Variants in ITPKB observed in about 807,000 individuals in gnomAD.
ITPKB encodes the protein IP3 3-kinase B.
A neutral mutation model predicts 69.4 loss-of-function variants in ITPKB; 13 were observed. The ratio of observed to expected loss-of-function variants is 0.19; its 90% confidence interval spans 0.12 to 0.30. The LOEUF (loss-of-function observed/expected upper bound fraction) is 0.30. Ranked by LOEUF, ITPKB falls within the 10% of genes least tolerant of loss-of-function variation. ITPKB has a pLI of 1.00. For missense variants in ITPKB, 1,240 were observed against 1,250.5 expected (o/e 0.99, Z 0.13); for synonymous variants, 584 against 513.7 (o/e 1.14, Z -1.85).
At position 226,634,462 on chromosome 1, in the gene ITPKB, CCT is replaced by C. The variant is rs1668787369; in HGVS notation, c.*207_*208del. On this transcript the variant is annotated 3_prime_UTR_variant, in exon 8 of 8. Transcript: ENST00000429204. This position sits in a 1 kb window ranked among gnomAD's most constrained non-coding sequence, Gnocchi z 6.3. ...GGGCATTTCTCTTCTAGTAGGTGAC[CCT>C]CTCTACAAAAAGCAGTGCAAACACC... is the stretch of plus-strand genomic sequence containing the variant. 1 of 575,172 alleles carries C rather than the reference CCT, an allele frequency of 1.7e-6. No homozygotes were observed. Among genetic ancestry groups the C allele is most frequent in the East Asian group, 2.9e-5 (1 of 34,608 alleles). 35.6% of individuals were successfully genotyped at this position (575,172 alleles called of 1,614,324 possible).
Position 226,736,872 on chromosome 1 carries a change from C to G in ITPKB, c.587G>C (p.Arg196Pro). ...GGACTTTGTCCTCCGTTCCTCGCTC[C>G]GGGCGCCCTGAACCAGGACCCTTCC... ...PPGRVLVQGARSEERRTKSWG... is the reference protein window; with the variant it reads ...PPGRVLVQGAPSEERRTKSWG... The change falls in exon 2 of 8, where the codon CGG becomes CCG. Residue 196 changes from arginine to proline, a missense_variant. By Grantham distance (103) the Arg-to-Pro change is moderately radical (BLOSUM62 -2). Transcript: ENST00000429204. The G allele has an allele frequency of 6.2e-7, 1 of 1,611,072 alleles. No homozygotes were observed. The highest frequency in any genetic ancestry group is 8.5e-7 in the Non-Finnish European group (1 of 1,180,014).
intron 2 of ITPKB, among the ~76,000 whole-genome samples, chr1:226,680,259 C>T (rs957743373): frequency 9.3e-5 from 14 of 150,638 alleles, no homozygotes; most frequent in Non-Finnish European, 1.6e-4. Flanking sequence ...GGGGATGGGG[C>T]GGGGCACACC....
At chr1:226,650,449 G>A (rs933712319) in intron 2 of ITPKB, among the ~76,000 whole-genome samples, 5 of 152,252 alleles carry the variant, frequency 3.3e-5, no homozygotes, top group African/African-American at 7.2e-5. Flanking sequence ...GATGGAGATC[G>A]CCAAAGAAGG....
At chr1:226,657,879 C>G (rs901235758) in intron 2 of ITPKB, among the ~76,000 whole-genome samples, 12 of 152,186 alleles carry the variant, frequency 7.9e-5, no homozygotes, top group African/African-American at 2.7e-4. Context: ...AATAGCCTCA[C>G]ATAAACAGCA....
intron 2 of ITPKB, among the ~76,000 whole-genome samples, chr1:226,677,212 G>A (rs957445209): frequency 5.3e-5 from 8 of 152,320 alleles, no homozygotes; most frequent in African/African-American, 1.2e-4. Context: ...GATATTTACC[G>A]AATCAGCCCA....
intron 2 of ITPKB, among the ~76,000 whole-genome samples, chr1:226,665,437 C>T (rs1346811722): frequency 1.3e-5 from 2 of 152,198 alleles, no homozygotes. Context: ...GCCTCATCCC[C>T]AAAACTGTAG....
intron 2 of ITPKB, among the ~76,000 whole-genome samples, chr1:226,680,089 A>T (rs192780794): frequency 1.5e-3 from 236 of 152,368 alleles, no homozygotes; most frequent in African/African-American, 5.0e-3. Context: ...CTGTGAGAGC[A>T]GGGTCAACTC....
chr1:226,722,919 C>A lies in ITPKB; in HGVS notation c.1932+12608G>T, dbSNP rs1305631553. 2.0e-5 allele frequency among the ~76,000 whole-genome samples: 3 copies of A among 152,186 alleles called. No homozygotes were observed. The East Asian group carries it at 5.8e-4, about 29-fold the overall frequency. ...AAGATGCAAACCCCCAGGGGTCAAC[C>A]CTGCAGGCTACCTGCTCCCCCTGCC... On this transcript the variant is annotated intron_variant, in intron 2 of 7. Coordinates refer to ENST00000429204, the MANE Select transcript of ITPKB (RefSeq NM_002221.4).
chr1:226,737,614 C>T lies in ITPKB; in HGVS notation c.-156G>A, dbSNP rs1052216245. On this transcript the variant is annotated 5_prime_UTR_variant, in exon 2 of 8. Coordinates refer to ENST00000429204, the MANE Select transcript of ITPKB (RefSeq NM_002221.4). ...CATGGCCTGGGCAGCGGGCTGGGGG[C>T]ACGACCGCGGGCTCAGCCCCCGCCC... 8 of 1,142,336 alleles carry T rather than the reference C, an allele frequency of 7.0e-6. No homozygotes were observed. The highest frequency in any genetic ancestry group is 3.6e-4 in the Middle Eastern group (1 of 2,740). 70.8% of individuals were successfully genotyped at this position (1,142,336 alleles called of 1,614,324 possible).
chr1:226,705,051 G>C (rs1241028451), intron 2 of ITPKB, among the ~76,000 whole-genome samples: 2 of 152,116 alleles, frequency 1.3e-5, no homozygotes, highest in African/African-American at 4.8e-5. Context: ...AAACCAGAAG[G>C]GCCTAAGAAA....
At chr1:226,672,663 T>C (rs1028229000) in intron 2 of ITPKB, among the ~76,000 whole-genome samples, 5 of 152,144 alleles carry the variant, frequency 3.3e-5, no homozygotes, top group Non-Finnish European at 5.9e-5. Flanking sequence ...AGAATTGCCC[T>C]CTAAAGGCCT....
intron 4 of ITPKB, among the ~76,000 whole-genome samples, chr1:226,645,732 G>C (rs1669047371): frequency 6.6e-6 from 1 of 152,132 alleles, no homozygotes. Flanking sequence ...GAAAAGCAAA[G>C]GCCTCGGGCT....
rs1237899451 is a variant in ITPKB, at chr1:226,633,732, A to C, written c.*939T>G. On this transcript the variant is annotated 3_prime_UTR_variant, in exon 8 of 8. Coordinates refer to ENST00000429204, the MANE Select transcript of ITPKB (RefSeq NM_002221.4). ...GCTCCTCCCCTATTTCTATATCTGC[A>C]AGGGACTCTGGGCCCCATGACAGGA... 1 of 152,228 alleles carries C rather than the reference A, an allele frequency of 6.6e-6. No homozygotes were observed. Among genetic ancestry groups the C allele is most frequent in the African/African-American group, 2.4e-5 (1 of 41,450 alleles). 9.4% of individuals were successfully genotyped at this position (152,228 alleles called of 1,614,324 possible).
chr1:226,659,735 G>C (rs983722852), intron 2 of ITPKB: 1 of 152,114 alleles, frequency 6.6e-6, no homozygotes, highest in African/African-American at 2.4e-5. Context: ...CTGCAGGTGG[G>C]GCAGGGAAGG....
intron 4 of ITPKB, among the ~76,000 whole-genome samples, chr1:226,645,370 G>A (rs1669041098): frequency 6.6e-6 from 1 of 152,238 alleles, no homozygotes; most frequent in Admixed American, 6.5e-5. Context: ...GAGCACTAGG[G>A]TGCAATCAGA....
At chr1:226,655,446 C>A (rs1014967094) in intron 2 of ITPKB, among the ~76,000 whole-genome samples, 14 of 152,214 alleles carry the variant, frequency 9.2e-5, no homozygotes, top group Non-Finnish European at 1.8e-4. Context: ...CAGCCAATGA[C>A]CAGAGGCTCC....
intron 4 of ITPKB, among the ~76,000 whole-genome samples, chr1:226,646,011 CTT>C (rs1371623552): frequency 6.6e-6 from 1 of 152,172 alleles, no homozygotes; most frequent in Non-Finnish European, 1.5e-5. Context: ...GCTTAGCTCT[CTT>C]CTCTCCTGGC....
intron 2 of ITPKB, among the ~76,000 whole-genome samples, chr1:226,730,157 T>C (rs1571879612): frequency 6.6e-6 from 1 of 152,212 alleles, no homozygotes; most frequent in Non-Finnish European, 1.5e-5. Flanking sequence ...CAGCAGATTC[T>C]TCCAGATCAC....
chr1:226,645,392 G>C (rs1436780344), intron 4 of ITPKB, among the ~76,000 whole-genome samples: 1 of 152,226 alleles, frequency 6.6e-6, no homozygotes, highest in Non-Finnish European at 1.5e-5. Context: ...AGAAGCTGCG[G>C]AAGTCAAGCG....
Sources: allele counts gnomAD v4.1 joint callset (sites outside exome capture counted in the v4.1 genomes callset), GRCh38; gene constraint gnomAD v4.1.1; non-coding constraint Gnocchi (gnomAD v3.1); transcripts MANE v1.5; gene names NCBI Gene and HGNC (gene_info 2026-07-23, HGNC 2026-07-21).